PDXDC1: variants seen among roughly 807,000 people sequenced by gnomAD.
PDXDC1 encodes the protein pyridoxal-dependent decarboxylase domain-containing protein 1.
Under a neutral mutation model 100.1 loss-of-function variants are expected in PDXDC1, and 42 were observed. The observed-to-expected ratio is 0.42, with a 90% CI of 0.33 to 0.54. The LOEUF is 0.54. Among genes scored for constraint, PDXDC1 ranks in the 20% least tolerant of loss-of-function variants. The probability of loss-of-function intolerance (pLI) is 0.10; values close to 1 mark genes in which losing one functional copy is unlikely to be tolerated. For missense variants in PDXDC1, 636 were observed against 979.2 expected, an observed-to-expected ratio of 0.65 and a Z score of 4.68; for synonymous variants, 260 against 371.7, an observed-to-expected ratio of 0.70 and a Z score of 3.46.
At chr16:15,003,216 C>CTTTT (rs1217823601) in intron 4 of PDXDC1, among the ~76,000 whole-genome samples, 3 of 134,346 alleles carry the variant, frequency 2.2e-5, no homozygotes, top group African/African-American at 5.4e-5. Context: ...AGATTTAATT[C>CTTTT]TTTTTTTTTT....
intron 1 of PDXDC1, among the ~76,000 whole-genome samples, chr16:14,977,533 C>A (rs903202482): frequency 6.6e-6 from 1 of 152,278 alleles, no homozygotes. Context: ...CAGCCTCAGC[C>A]TCCCACGGTG....
At chr16:15,129,376 T>G (rs982709021) in intron 16 of PDXDC1, among the ~76,000 whole-genome samples, 1 of 151,912 alleles carries the variant, frequency 6.6e-6, no homozygotes, top group Admixed American at 6.6e-5. Flanking sequence ...GAGCTGGAAG[T>G]TGCTGTGAGC....
At chr16:14,983,456 C>T (rs1968475892) in intron 1 of PDXDC1, among the ~76,000 whole-genome samples, 2 of 152,124 alleles carry the variant, frequency 1.3e-5, no homozygotes, top group African/African-American at 4.8e-5. Context: ...GCCTGTGGTC[C>T]CAGCTAATTG....
intron 4 of PDXDC1, among the ~76,000 whole-genome samples, chr16:15,002,276 T>C (rs1241310277): frequency 1.3e-5 from 2 of 152,416 alleles, no homozygotes; most frequent in East Asian, 1.9e-4. Context: ...AAAAATGATA[T>C]ACAAAGGGAA....
At chr16:15,144,118 G>A (rs915238346), downstream of PDXDC1, among the ~76,000 whole-genome samples, 28 of 152,098 alleles carry the variant, frequency 1.8e-4, no homozygotes, top group Non-Finnish European at 3.4e-4. Flanking sequence ...GTTCCCCTCC[G>A]CCCAGCAAGA....
At chr16:15,027,251 G>C (rs534572432) in intron 14 of PDXDC1, among the ~76,000 whole-genome samples, 1 of 152,418 alleles carries the variant, frequency 6.6e-6, no homozygotes, top group South Asian at 2.1e-4. Context: ...GCATGTGATG[G>C]GGGTGTGGCT....
At chr16:15,130,263 T>G in intron 16 of PDXDC1, 1 of 1,546,400 alleles carries the variant, frequency 6.5e-7, no homozygotes, top group East Asian at 2.4e-5. Flanking sequence ...GGCGGTGAGG[T>G]GGCGGGTGAG....
chr16:15,128,208 G>A (rs549365398), intron 16 of PDXDC1: 3 of 1,611,092 alleles, frequency 1.9e-6, no homozygotes, highest in South Asian at 1.1e-5. Flanking sequence ...GAGCTTGGCA[G>A]GGTCCGCACA....
At chr16:15,000,664 AATGAGCATTTC>A (rs1489859639) in intron 3 of PDXDC1, among the ~76,000 whole-genome samples, 2 of 152,284 alleles carry the variant, frequency 1.3e-5, no homozygotes, top group African/African-American at 4.8e-5. Context: ...CTCCTCATGT[AATGAGCATTTC>A]ATAGCAACAC....
intron 16 of PDXDC1, chr16:15,060,387 A>C (rs2044669004): frequency 5.1e-6 from 1 of 194,840 alleles, no homozygotes; most frequent in African/African-American, 2.4e-5. Flanking sequence ...AAAAGTATTT[A>C]CAGACTGAAA....
intron 16 of PDXDC1, among the ~76,000 whole-genome samples, chr16:15,093,246 C>T (rs1460975712): frequency 2.6e-5 from 4 of 152,172 alleles, no homozygotes; most frequent in South Asian, 2.1e-4. Flanking sequence ...TCAGATGATC[C>T]GCCCGCCTCG....
intron 16 of PDXDC1, among the ~76,000 whole-genome samples, chr16:15,101,191 G>A (rs149180330): frequency 1.3e-4 from 20 of 152,306 alleles, no homozygotes; most frequent in African/African-American, 4.8e-4. Context: ...CAGGTTCTCC[G>A]TAAATGACAG....
At chr16:15,136,872 G>C in intron 16 of PDXDC1, 1 of 1,577,058 alleles carries the variant, frequency 6.3e-7, no homozygotes. Context: ...CACTCACCTC[G>C]GGCCGGCTCC....
chr16:15,106,462 G>A, intron 16 of PDXDC1: 1 of 1,203,890 alleles, frequency 8.3e-7, no homozygotes, highest in Non-Finnish European at 1.2e-6. Flanking sequence ...ATGGCTGTAA[G>A]AGTACAGTCT....
chr16:15,079,961 A>T (rs2045628823), intron 16 of PDXDC1: 2 of 1,547,106 alleles, frequency 1.3e-6, no homozygotes, highest in South Asian at 1.2e-5. Context: ...AATTCAAGTC[A>T]GTAAATGAAA....
At chr16:15,000,630 C>G (rs1274553044) in intron 3 of PDXDC1, among the ~76,000 whole-genome samples, 1 of 152,284 alleles carries the variant, frequency 6.6e-6, no homozygotes, top group Non-Finnish European at 1.5e-5. Context: ...TTCAGCCGTT[C>G]GAATTCTTTT....
At chr16:15,117,356 T>C (rs1314196885) in intron 16 of PDXDC1, among the ~76,000 whole-genome samples, 1 of 130,236 alleles carries the variant, frequency 7.7e-6, no homozygotes, top group Non-Finnish European at 1.6e-5. Context: ...GTTAGTAAAC[T>C]TACACTTAAG....
At chr16:15,021,931 A>G (rs1265148504) in intron 12 of PDXDC1, among the ~76,000 whole-genome samples, 1 of 152,280 alleles carries the variant, frequency 6.6e-6, no homozygotes, top group Non-Finnish European at 1.5e-5. Flanking sequence ...ATCTCATTTG[A>G]TCCCTGCAAC....
rs568603541 is a variant in PDXDC1 at position 15,114,913 on chromosome 16, T to TA, written c.1400-23952dup. Among the ~76,000 whole-genome samples, 809 of 103,180 alleles carry TA rather than the reference T, an allele frequency of 7.8e-3. 20 individuals are homozygous for TA. The highest frequency in any genetic ancestry group is 0.023 in the African/African-American group (754 of 32,094). The allele number at this position is 103,180 out of a possible 152,430, so 67.7% of individuals were successfully genotyped here. The stretch of plus-strand genomic sequence containing the variant: ...CTAACACTAACAATAGCTGATGATC[T>TA]AAAAAAAAAAAAAATTTTTTTTTTT... On this transcript the variant is annotated intron_variant, in intron 16 of 16. Transcript: ENST00000535621.
Sources: gnomAD v4.1 joint callset for allele counts (sites outside exome capture counted in the v4.1 genomes callset) on GRCh38, gnomAD v4.1.1 for gene constraint, MANE v1.5 for transcripts, NCBI Gene and HGNC (gene_info 2026-07-23, HGNC 2026-07-21) for gene names.